PBLD: variants seen among roughly 807,000 people sequenced by gnomAD.
The protein encoded by PBLD is phenazine biosynthesis like protein domain containing.
Under a neutral mutation model 31.3 loss-of-function variants are expected in PBLD, and 26 were observed. The ratio of observed to expected loss-of-function variants is 0.83; its 90% CI spans 0.61 to 1.15. PBLD has a LOEUF of 1.15. Among genes scored for constraint, PBLD ranks in the 50% most tolerant of loss-of-function variants. The pLI is 0.00. For missense variants in PBLD, 307 were observed against 351.7 expected, an observed-to-expected ratio of 0.87 and a Z score of 1.02; for synonymous variants, 114 against 129.0, an observed-to-expected ratio of 0.88 and a Z score of 0.79.
chr10:68,318,072 A>C (rs1276415556), intron 1 of PBLD, among the ~76,000 whole-genome samples: 2 of 151,984 alleles, frequency 1.3e-5, no homozygotes, highest in Non-Finnish European at 2.9e-5. Flanking sequence ...CTGAAAATAC[A>C]AAAAATTAGC....
rs911104312 is a variant in PBLD at position 68,326,371 on chromosome 10, A to G, written c.-60+6413T>C. Among the ~76,000 whole-genome samples, 64 of 152,128 alleles carry G rather than the reference A, an allele frequency of 4.2e-4. 1 individual carries two copies. Among genetic ancestry groups the G allele is most frequent in the Non-Finnish European group, 8.8e-4 (60 of 68,000 alleles). On this transcript the variant is annotated intron_variant, in intron 1 of 9. Coordinates refer to ENST00000358769, the MANE Select transcript of PBLD (RefSeq NM_022129.4). ...GTATTTTTTATGGATGGATGGAAAC[A>G]TATACTGACCTACTAGGAATTCAGT... is the stretch of plus-strand genomic sequence containing the variant.
chr10:68,325,768 A>G (rs2044910357), intron 1 of PBLD, among the ~76,000 whole-genome samples: 1 of 152,046 alleles, frequency 6.6e-6, no homozygotes. Context: ...TCAACTGTAA[A>G]TGCTTTTCCT....
chr10:68,326,095 G>A (rs2044915705), intron 1 of PBLD, among the ~76,000 whole-genome samples: 1 of 152,058 alleles, frequency 6.6e-6, no homozygotes, highest in Non-Finnish European at 1.5e-5. Context: ...TTGAGATGGA[G>A]TCTTACTCTG....
At chr10:68,288,854 C>T in intron 7 of PBLD, 77 bp downstream of exon 7, 1 of 1,424,640 alleles carries the variant, frequency 7.0e-7, no homozygotes. Flanking sequence ...CTGGACACAG[C>T]ACAGCCAGAC....
chr10:68,307,020 A>C, intron 1 of PBLD, 117 bp from the exon 2 acceptor site: 1 of 512,050 alleles, frequency 2.0e-6, no homozygotes, highest in Non-Finnish European at 3.5e-6. Context: ...AAGATATATA[A>C]TCCCCTAACT....
intron 2 of PBLD, among the ~76,000 whole-genome samples, chr10:68,298,474 T>G (rs1200450139): frequency 2.0e-5 from 3 of 152,110 alleles, no homozygotes; most frequent in Admixed American, 6.6e-5. Context: ...AAAAATTTTT[T>G]TTTACACAGT....
At chr10:68,300,904 TTC>T (rs2044496691) in intron 2 of PBLD, among the ~76,000 whole-genome samples, 1 of 152,124 alleles carries the variant, frequency 6.6e-6, no homozygotes, top group Non-Finnish European at 1.5e-5. Context: ...TTTTGTTTTG[TTC>T]TGTTTTTTTG....
intron 1 of PBLD, among the ~76,000 whole-genome samples, chr10:68,328,129 C>A (rs1183997419): frequency 6.6e-6 from 1 of 152,086 alleles, no homozygotes. Flanking sequence ...AGACAAGATA[C>A]ATAGGATATA....
rs755979695 is a variant in PBLD at position 68,288,666 on chromosome 10, T to A, written c.513-5A>T. On this transcript the variant is annotated splice_polypyrimidine_tract_variant and splice_region_variant and intron_variant, in intron 7 of 9. Coordinates refer to ENST00000358769, the MANE Select transcript of PBLD (RefSeq NM_022129.4). ...TTCAGGTTCTCCAGAAACGACCTTG[T>A]TCATAAACAAGATGGATTAGGACAA... 5 of 1,613,274 alleles carry A rather than the reference T, an allele frequency of 3.1e-6. No individual in the cohort carries two copies. The highest frequency in any genetic ancestry group is 4.2e-6 in the Non-Finnish European group (5 of 1,179,692).
rs904740699 is a variant in PBLD, at chr10:68,288,576, G to C, written c.598C>G (p.Leu200Val). The C allele has an allele frequency of 6.2e-6, 10 of 1,614,064 alleles. No homozygotes were observed. Among genetic ancestry groups the C allele is most frequent in the Non-Finnish European group, 8.5e-6 (10 of 1,180,040 alleles). Residue 200 changes from leucine to valine, a missense_variant, in exon 8 of 10, where the codon CTT becomes GTT. Transcript: ENST00000358769. ...GTCTGCCCACCAGGCTCTCCTTTAA[G>C]GGTAAGAATAAGCCCTTTCACCTTC... is the stretch of plus-strand genomic sequence containing the variant. ...TGKVKGLILT[L>V]KGEPGGQTQA...
At chr10:68,326,793 A>G (rs1467315533) in intron 1 of PBLD, among the ~76,000 whole-genome samples, 2 of 152,236 alleles carry the variant, frequency 1.3e-5, no homozygotes, top group Non-Finnish European at 2.9e-5. Context: ...TCACGCCTGT[A>G]ATCTCAGCAC....
At chr10:68,291,268 G>A (rs1357425527) in intron 6 of PBLD, among the ~76,000 whole-genome samples, 1 of 152,156 alleles carries the variant, frequency 6.6e-6, no homozygotes, top group African/African-American at 2.4e-5. Flanking sequence ...AGAATTAAAT[G>A]GACAATGCAA....
At chr10:68,306,939 A>G (rs2044588877) in intron 1 of PBLD, 36 bp from the exon 2 acceptor site, 1 of 933,736 alleles carries the variant, frequency 1.1e-6, no homozygotes, top group East Asian at 2.6e-5. Context: ...TTAATGTTTT[A>G]CTTGGTGTCC....
At chr10:68,289,926 G>A (rs1292015083) in intron 6 of PBLD, among the ~76,000 whole-genome samples, 1 of 152,098 alleles carries the variant, frequency 6.6e-6, no homozygotes, top group Non-Finnish European at 1.5e-5. Context: ...TGCTCTGCTT[G>A]GCAAGCACAC....
intron 6 of PBLD, among the ~76,000 whole-genome samples, chr10:68,289,707 G>C (rs2044334477): frequency 1.7e-5 from 1 of 58,548 alleles, no homozygotes; most frequent in Non-Finnish European, 4.3e-5. Context: ...CTTGACCCAG[G>C]TCTGAGAAGG....
chr10:68,306,099 T>A (rs1028070328), intron 2 of PBLD, among the ~76,000 whole-genome samples: 14 of 151,980 alleles, frequency 9.2e-5, no homozygotes, highest in Non-Finnish European at 1.2e-4. Flanking sequence ...AATATTTAAA[T>A]ATTAACTATT....
Position 68,309,367 on chromosome 10 carries a change from A to G in PBLD, c.-59-2464T>C, listed in dbSNP as rs143163576. Among the ~76,000 whole-genome samples, 332 of 136,286 alleles carry G rather than the reference A, an allele frequency of 2.4e-3. 7 individuals are homozygous for G. Among genetic ancestry groups the G allele is most frequent in the Middle Eastern group, 9.0e-3 (2 of 222 alleles). 89.4% of individuals were successfully genotyped at this position (136,286 alleles called of 152,430 possible). On this transcript the variant is annotated intron_variant, in intron 1 of 9. Transcript: ENST00000358769. ...AGTTGCAGTGAGCCGAGATTGTGCC[A>G]CTACACTCCAGCCTAGACAACAGAG... is the stretch of plus-strand genomic sequence containing the variant.
At chr10:68,330,099 T>C (rs553172800) in intron 1 of PBLD, among the ~76,000 whole-genome samples, 3 of 152,182 alleles carry the variant, frequency 2.0e-5, no homozygotes, top group South Asian at 4.2e-4. Flanking sequence ...AGCATCCTTG[T>C]TTGGTTTTCC....
At chr10:68,325,239 G>T (rs117435112) in intron 1 of PBLD, among the ~76,000 whole-genome samples, 2 of 151,814 alleles carry the variant, frequency 1.3e-5, no homozygotes, top group Non-Finnish European at 2.9e-5. Flanking sequence ...ACAAGACTCC[G>T]TCTCAGGGAA....
Sources: allele counts gnomAD v4.1 joint callset (sites outside exome capture counted in the v4.1 genomes callset), GRCh38; gene constraint gnomAD v4.1.1; transcripts MANE v1.5; gene names NCBI Gene and HGNC (gene_info 2026-07-23, HGNC 2026-07-21).